DCLK1: variants seen among roughly 807,000 people sequenced by gnomAD.
DCLK1 encodes the protein serine/threonine-protein kinase DCLK1.
In DCLK1, 16 loss-of-function variants were observed where a neutral mutation model predicts 86.2. The observed-to-expected ratio is 0.19, with a 90% CI of 0.13 to 0.28. The LOEUF is 0.28. DCLK1 is among the 10% of genes least tolerant of loss of function. DCLK1 has a pLI of 1.00. For synonymous variants in DCLK1, 369 were observed against 370.5 expected (o/e 1.00, Z 0.05); for missense variants, 590 against 940.2 (o/e 0.63, Z 4.87).
intron 3 of DCLK1, among the ~76,000 whole-genome samples, chr13:36,079,534 A>G (rs1417974524): frequency 6.6e-6 from 1 of 152,126 alleles, no homozygotes; most frequent in Non-Finnish European, 1.5e-5. Flanking sequence ...TGGGAGGCTG[A>G]GGCAGGAGAA....
intron 3 of DCLK1, among the ~76,000 whole-genome samples, chr13:35,966,968 G>T (rs1294805266): frequency 1.4e-5 from 2 of 147,676 alleles, no homozygotes; most frequent in Non-Finnish European, 3.0e-5. Context: ...GCCGCCCATC[G>T]TCTGGGATGT....
At chr13:36,065,613 G>A (rs1469922385) in intron 3 of DCLK1, among the ~76,000 whole-genome samples, 1 of 152,068 alleles carries the variant, frequency 6.6e-6, no homozygotes, top group South Asian at 2.1e-4. Flanking sequence ...CTTATCTCTA[G>A]AACTATAGGA....
At chr13:35,984,751 C>T (rs552070357) in intron 3 of DCLK1, among the ~76,000 whole-genome samples, 112 of 152,222 alleles carry the variant, frequency 7.4e-4, no homozygotes, top group African/African-American at 2.5e-3. Flanking sequence ...TCTATCATTC[C>T]CCTGATCCAG....
intron 16 of DCLK1, among the ~76,000 whole-genome samples, chr13:35,781,572 T>C (rs1366774764): frequency 2.0e-5 from 3 of 152,244 alleles, no homozygotes; most frequent in Admixed American, 2.0e-4. Flanking sequence ...GTTTCTGTCA[T>C]GGCAGTAATT....
chr13:35,791,977 G>A (rs1034697833), intron 16 of DCLK1, among the ~76,000 whole-genome samples: 2 of 152,172 alleles, frequency 1.3e-5, no homozygotes, highest in African/African-American at 4.8e-5. Context: ...TGATATTGTT[G>A]CTTTCAAAAC....
intron 5 of DCLK1, among the ~76,000 whole-genome samples, chr13:35,856,500 A>C (rs961669251): frequency 2.0e-5 from 3 of 152,238 alleles, no homozygotes; most frequent in Admixed American, 6.5e-5. Flanking sequence ...ATTGGAGGGA[A>C]AAAATGAGCA....
intron 3 of DCLK1, among the ~76,000 whole-genome samples, chr13:36,039,633 T>C (rs1451180451): frequency 2.0e-5 from 3 of 151,878 alleles, no homozygotes; most frequent in Non-Finnish European, 2.9e-5. Flanking sequence ...TGTGCACACA[T>C]GTACACACAC....
At chr13:36,007,698 G>C (rs748235760) in intron 3 of DCLK1, among the ~76,000 whole-genome samples, 4 of 152,124 alleles carry the variant, frequency 2.6e-5, no homozygotes, top group Non-Finnish European at 5.9e-5. Context: ...TTTGTGAGTA[G>C]AAAAACTCGT....
chr13:35,865,947 T>C (rs1320375623), intron 5 of DCLK1, among the ~76,000 whole-genome samples: 1 of 152,172 alleles, frequency 6.6e-6, no homozygotes, highest in Non-Finnish European at 1.5e-5. Flanking sequence ...TGTGATGCTG[T>C]GAATTGCAAT....
chr13:35,846,365 C>T, intron 6 of DCLK1: 1 of 985,296 alleles, frequency 1.0e-6, no homozygotes, highest in Non-Finnish European at 1.2e-6. Flanking sequence ...AACTTTCATA[C>T]TTCTTTGCCT....
At chr13:35,895,691 A>C (rs1873923603) in intron 4 of DCLK1, among the ~76,000 whole-genome samples, 2 of 152,150 alleles carry the variant, frequency 1.3e-5, no homozygotes, top group Non-Finnish European at 2.9e-5. Flanking sequence ...TTTATAAAAA[A>C]ACTAACCATT....
intron 3 of DCLK1, among the ~76,000 whole-genome samples, chr13:36,028,490 G>A (rs1179106584): frequency 1.3e-5 from 2 of 152,158 alleles, no homozygotes; most frequent in Non-Finnish European, 2.9e-5. Flanking sequence ...CATACCCACT[G>A]AACTTCCTCG....
At chr13:35,921,764 G>A (rs912560833) in intron 4 of DCLK1, among the ~76,000 whole-genome samples, 5 of 152,168 alleles carry the variant, frequency 3.3e-5, no homozygotes, top group Admixed American at 3.3e-4. Flanking sequence ...ATGAAAGAAG[G>A]ACCTGGTGAC....
chr13:35,821,359 T>C (rs1232670999), intron 11 of DCLK1, among the ~76,000 whole-genome samples: 1 of 152,130 alleles, frequency 6.6e-6, no homozygotes, highest in Non-Finnish European at 1.5e-5. Flanking sequence ...TGAGTGTGTA[T>C]GCGGGTTACC....
chr13:35,840,310 G>C (rs1229876034), intron 6 of DCLK1, among the ~76,000 whole-genome samples: 1 of 152,170 alleles, frequency 6.6e-6, no homozygotes, highest in Non-Finnish European at 1.5e-5. Flanking sequence ...ATCCTGCATA[G>C]GAGATTCAAA....
chr13:35,918,238 G>A lies in DCLK1; in HGVS notation c.823+29120C>T, dbSNP rs976958542. 5.3e-5 allele frequency among the ~76,000 whole-genome samples: 8 copies of A among 152,092 alleles called. No homozygotes were observed. In the East Asian group the frequency reaches 7.7e-4, roughly 15 times the overall value. On this transcript the variant is annotated intron_variant, in intron 4 of 16. Coordinates refer to ENST00000360631, the MANE Select transcript of DCLK1 (RefSeq NM_001330071.2). ...AAATGTACTCTTCCCACCAAATCCC[G>A]ATACAATATGTTCTATAAATTGCAT...
At chr13:36,118,439 A>G (rs540462544) in intron 2 of DCLK1, among the ~76,000 whole-genome samples, 1 of 152,276 alleles carries the variant, frequency 6.6e-6, no homozygotes, top group East Asian at 1.9e-4. Context: ...AAGTGATGAC[A>G]CTGAAAATTC....
intron 4 of DCLK1, among the ~76,000 whole-genome samples, chr13:35,920,270 G>A (rs1875719903): frequency 6.6e-6 from 1 of 152,098 alleles, no homozygotes; most frequent in Non-Finnish European, 1.5e-5. Context: ...CCCTTCACGT[G>A]TCCTTGCCTT....
At chr13:35,806,947 G>A (rs567972011) in intron 14 of DCLK1, among the ~76,000 whole-genome samples, 127 of 152,274 alleles carry the variant, frequency 8.3e-4, no homozygotes, top group Non-Finnish European at 1.5e-3. Context: ...ACACAAAGTG[G>A]TCATGTCTGA....
Sources: gnomAD v4.1 joint callset for allele counts (sites outside exome capture counted in the v4.1 genomes callset) on GRCh38, gnomAD v4.1.1 for gene constraint, MANE v1.5 for transcripts, NCBI Gene and HGNC (gene_info 2026-07-23, HGNC 2026-07-21) for gene names.